Variants in CCDC50 observed in about 807,000 individuals in gnomAD.
The protein encoded by CCDC50 is coiled-coil domain containing 50, also known as coiled-coil domain-containing protein 50.
In CCDC50, 54 loss-of-function variants were observed where a neutral mutation model predicts 70.2. That is an observed-to-expected ratio of 0.77 (90% CI 0.62 to 0.96). CCDC50 has a LOEUF of 0.96. Ranked by LOEUF, CCDC50 falls within the 50% of genes least tolerant of loss-of-function variation. CCDC50 has a pLI of 0.00. For missense variants in CCDC50, 558 were observed against 578.7 expected, an observed-to-expected ratio of 0.96 and a Z score of 0.37; for synonymous variants, 216 against 198.8, an observed-to-expected ratio of 1.09 and a Z score of -0.73.
Position 191,355,974 on chromosome 3 carries a change from G to A in CCDC50, c.50-1114G>A, listed in dbSNP as rs866579577. Among the ~76,000 whole-genome samples the A allele has an allele frequency of 2.6e-5, 4 of 152,106 alleles. No individual in the cohort carries two copies. In the East Asian group the frequency reaches 5.8e-4, roughly 22 times the overall value. Reference sequence around the variant, plus strand: ...GTGAACATACATAAGTGCAAAGAACGGCAAAGGAACGTTTTTCATTCTGTT... The same window carrying A: ...GTGAACATACATAAGTGCAAAGAACAGCAAAGGAACGTTTTTCATTCTGTT... On this transcript the variant is annotated intron_variant, in intron 1 of 11. Transcript: ENST00000392455.
chr3:191,356,412 C>T (rs293815), intron 1 of CCDC50, among the ~76,000 whole-genome samples: 68,585 of 152,066 alleles, frequency 0.45, 19,095 homozygotes, highest in East Asian at 0.92. Context: ...TCCTGGTTTC[C>T]TTCAGGGTTC....
rs1220356166 is a variant in CCDC50, at chr3:191,380,206, A to G, written c.1024A>G (p.Met342Val). Residue 342 changes from methionine (M) to valine (V), a missense_variant, in exon 7 of 12, where the codon ATG (methionine) becomes GTG (valine). Met to Val is a conservative substitution (Grantham distance 21, BLOSUM62 1). Coordinates refer to ENST00000392455, the MANE Select transcript of CCDC50 (RefSeq NM_178335.3). ...MKEAVSTPSR[M>V]AHRDQEWYDA... Reference sequence around the variant, plus strand: ...AGAAGCTGTATCTACTCCATCACGAATGGCCCACAGGGATCAGGAATGGTA... The same window carrying G: ...AGAAGCTGTATCTACTCCATCACGAGTGGCCCACAGGGATCAGGAATGGTA... The G allele has an allele frequency of 1.1e-5, 17 of 1,612,552 alleles. No individual in the cohort carries two copies. The highest frequency in any genetic ancestry group is 1.6e-4 in the Middle Eastern group (1 of 6,080).
At chr3:191,380,315 G>GT in intron 7 of CCDC50, 41 bp downstream of exon 7, 31 of 1,281,994 alleles carry the variant, frequency 2.4e-5, no homozygotes, top group Non-Finnish European at 3.1e-5. Flanking sequence ...ATATTGATGG[G>GT]TATTTTTTTT....
At chr3:191,351,064 T>C (rs1712092459) in intron 1 of CCDC50, among the ~76,000 whole-genome samples, 2 of 141,522 alleles carry the variant, frequency 1.4e-5, no homozygotes, top group Non-Finnish European at 3.2e-5. Context: ...AAGGGGATTC[T>C]AAAGACTCTT....
rs77618706 is a variant in CCDC50 at position 191,381,796 on chromosome 3, T to C, written c.1242+864T>C. ...CTAGGTTGTGTATTCCTTACACAGTTGGTGTTTAGCGCTGGTCTCTCTTGA... is the reference window on the plus strand; with the variant it reads ...CTAGGTTGTGTATTCCTTACACAGTCGGTGTTTAGCGCTGGTCTCTCTTGA... On this transcript the variant is annotated intron_variant, in intron 9 of 11. Coordinates refer to ENST00000392455, the MANE Select transcript of CCDC50 (RefSeq NM_178335.3). 5.5e-4 allele frequency among the ~76,000 whole-genome samples: 84 copies of C among 152,166 alleles called. 1 individual carries two copies. Among genetic ancestry groups the C allele is most frequent in the Non-Finnish European group, 9.1e-4 (62 of 67,986 alleles).
In CCDC50 at chr3:191,329,616, C is replaced by A; in HGVS notation, c.-59C>A. The A allele has an allele frequency of 6.4e-7, 1 of 1,562,328 alleles. No homozygotes were observed. The highest frequency in any genetic ancestry group is 8.7e-7 in the Non-Finnish European group (1 of 1,152,398). ...CTGCTGCTGCGCTCGGGGCCCCGCTCGGCGCCGGCGGTGACCGGGAAGCCC... is the reference window on the plus strand; with the variant it reads ...CTGCTGCTGCGCTCGGGGCCCCGCTAGGCGCCGGCGGTGACCGGGAAGCCC... On this transcript the variant is annotated 5_prime_UTR_variant, in exon 1 of 12. Coordinates refer to ENST00000392455, the MANE Select transcript of CCDC50 (RefSeq NM_178335.3).
At chr3:191,360,275 A>C (rs1712437903) in intron 3 of CCDC50, among the ~76,000 whole-genome samples, 1 of 152,238 alleles carries the variant, frequency 6.6e-6, no homozygotes, top group Admixed American at 6.5e-5. Flanking sequence ...GTTTGAAATC[A>C]TTAAACTCAG....
chr3:191,391,560 C>T (rs1414400979), intron 11 of CCDC50, among the ~76,000 whole-genome samples, 181 bp from the exon 12 acceptor site: 1 of 152,176 alleles, frequency 6.6e-6, no homozygotes, highest in African/African-American at 2.4e-5. Flanking sequence ...CTGTCTTTGA[C>T]ATACATTTGA....
At chr3:191,338,349 A>T (rs1338338219) in intron 1 of CCDC50, among the ~76,000 whole-genome samples, 1 of 152,050 alleles carries the variant, frequency 6.6e-6, no homozygotes, top group African/African-American at 2.4e-5. Context: ...ACTGTGAAAG[A>T]CTCTTTTTGT....
intron 1 of CCDC50, among the ~76,000 whole-genome samples, chr3:191,337,141 A>C (rs960928967): frequency 2.6e-5 from 4 of 151,888 alleles, no homozygotes; most frequent in Admixed American, 2.6e-4. Flanking sequence ...GGCAAAGCTT[A>C]AATTTTTTGC....
intron 5 of CCDC50, among the ~76,000 whole-genome samples, chr3:191,372,585 G>A (rs141425773): frequency 3.7e-4 from 56 of 151,986 alleles, no homozygotes; most frequent in Admixed American, 2.0e-3. Flanking sequence ...TTACTTGCAC[G>A]GTAATCACAG....
intron 1 of CCDC50, among the ~76,000 whole-genome samples, chr3:191,338,924 C>T (rs1244892767): frequency 6.6e-6 from 1 of 152,104 alleles, no homozygotes; most frequent in Non-Finnish European, 1.5e-5. Context: ...CATTTTGTTG[C>T]TGTTACTAGA....
At chr3:191,352,964 AT>A (rs113348873) in intron 1 of CCDC50, among the ~76,000 whole-genome samples, 26,450 of 133,330 alleles carry the variant, frequency 0.2, 5,476 homozygotes, top group East Asian at 0.48. Flanking sequence ...ATCCAGCTTT[AT>A]TTTTTTTTTT....
Position 191,391,767 on chromosome 3 carries a change from A to G in CCDC50, c.*7A>G. On this transcript the variant is annotated 3_prime_UTR_variant, in exon 12 of 12. Coordinates refer to ENST00000392455, the MANE Select transcript of CCDC50 (RefSeq NM_178335.3). ...TTTTCATTACAAACATTAAAAACCT[A>G]GGAATCTGCCTTGAAAATGGACTCA... The G allele has an allele frequency of 6.2e-7, 1 of 1,611,876 alleles. No individual in the cohort carries two copies. The highest frequency in any genetic ancestry group is 1.1e-5 in the South Asian group (1 of 90,994).
chr3:191,397,692 G>T lies in CCDC50; in HGVS notation c.*5932G>T, dbSNP rs141475359. On this transcript the variant is annotated 3_prime_UTR_variant, in exon 12 of 12. Coordinates refer to ENST00000392455, the MANE Select transcript of CCDC50 (RefSeq NM_178335.3). ...CGTGATCTCTTGAGAGAGAGACTAC[G>T]CATTGCCTGGGCACTTTCAGATTCC... The T allele has an allele frequency of 6.6e-6, 1 of 152,180 alleles. No individual in the cohort carries two copies. Among genetic ancestry groups the T allele is most frequent in the Non-Finnish European group, 1.5e-5 (1 of 68,048 alleles). The allele number at this position is 152,180 out of a possible 1,614,324, so 9.4% of individuals were successfully genotyped here.
intron 5 of CCDC50, among the ~76,000 whole-genome samples, chr3:191,372,155 A>G (rs1712936347): frequency 6.6e-6 from 1 of 152,168 alleles, no homozygotes; most frequent in Non-Finnish European, 1.5e-5. Context: ...CTATGTTAAG[A>G]ATTAAGTGGT....
In CCDC50 at chr3:191,391,802, A is replaced by G. The variant is rs765968377; in HGVS notation, c.*42A>G. The G allele has an allele frequency of 6.4e-6, 10 of 1,555,878 alleles. No individual in the cohort carries two copies. The highest frequency in any genetic ancestry group is 1.4e-5 in the African/African-American group (1 of 73,690). On this transcript the variant is annotated 3_prime_UTR_variant, in exon 12 of 12. Transcript: ENST00000392455. ...CTTGAAAATGGACTCACTATAGCAAATATTACTGGGTGATACAGAATGAAT... is the reference window on the plus strand; with the variant it reads ...CTTGAAAATGGACTCACTATAGCAAGTATTACTGGGTGATACAGAATGAAT...
At chr3:191,339,308 A>G (rs927375929) in intron 1 of CCDC50, among the ~76,000 whole-genome samples, 1 of 152,224 alleles carries the variant, frequency 6.6e-6, no homozygotes, top group Admixed American at 6.5e-5. Flanking sequence ...CTGGTTAAAA[A>G]TATGCAGTGC....
intron 3 of CCDC50, among the ~76,000 whole-genome samples, chr3:191,358,933 G>T (rs940052282): frequency 1.3e-5 from 2 of 152,136 alleles, no homozygotes; most frequent in Admixed American, 6.5e-5. Context: ...TATAGGAAGG[G>T]TTTGTCTTTC....
Sources: gnomAD v4.1 joint callset for allele counts (sites outside exome capture counted in the v4.1 genomes callset) on GRCh38, gnomAD v4.1.1 for gene constraint, MANE v1.5 for transcripts, NCBI Gene and HGNC (gene_info 2026-07-23, HGNC 2026-07-21) for gene names.